PINX1: variants seen among roughly 807,000 people sequenced by gnomAD.
The protein encoded by PINX1 is PIN2/TERF1-interacting telomerase inhibitor 1.
A neutral mutation model predicts 25.4 loss-of-function variants in PINX1; 34 were observed. The observed-to-expected ratio is 1.34, with a 90% confidence interval of 1.02 to 1.78. PINX1 has a LOEUF of 1.78. PINX1 is among the 40% of genes most tolerant of loss of function. PINX1 has a pLI of 0.00. For missense variants in PINX1, 592 were observed against 404.9 expected (o/e 1.46, Z -3.97); for synonymous variants, 197 against 147.7 (o/e 1.33, Z -2.42).
intron 6 of PINX1, among the ~76,000 whole-genome samples, chr8:10,793,850 T>C (rs1462213563): frequency 1.3e-5 from 2 of 152,186 alleles, no homozygotes; most frequent in East Asian, 3.8e-4. Context: ...AGGAGCCTCT[T>C]AGTATATTCC....
intron 6 of PINX1, among the ~76,000 whole-genome samples, chr8:10,772,292 G>C (rs1319916186): frequency 6.6e-6 from 1 of 152,220 alleles, no homozygotes; most frequent in Non-Finnish European, 1.5e-5. Context: ...AAAACAACCT[G>C]GGCAAGCTGA....
intron 6 of PINX1, among the ~76,000 whole-genome samples, chr8:10,774,563 G>A (rs1190118003): frequency 6.6e-6 from 1 of 152,178 alleles, no homozygotes; most frequent in Non-Finnish European, 1.5e-5. Context: ...TTACAGGCGT[G>A]AGCCACCGTG....
Position 10,839,845 on chromosome 8 carries a change from G to C in PINX1, c.-89C>G, listed in dbSNP as rs887125141. The C allele has an allele frequency of 1.8e-5, 24 of 1,300,244 alleles. No individual in the cohort carries two copies. The highest frequency in any genetic ancestry group is 3.0e-5 in the African/African-American group (2 of 67,120). The allele number at this position is 1,300,244 out of a possible 1,614,324, so 80.5% of individuals were successfully genotyped here. ...AGACTCCAGGAGAATCAGGACGTGC[G>C]TAACTCCCTCGCCGGCGGACTGCAG... On this transcript the variant is annotated 5_prime_UTR_variant, in exon 1 of 7. Transcript: ENST00000314787.
chr8:10,769,217 C>T (rs980209561), intron 6 of PINX1, among the ~76,000 whole-genome samples: 2 of 152,148 alleles, frequency 1.3e-5, no homozygotes, highest in Admixed American at 6.5e-5. Flanking sequence ...AATTCCAATG[C>T]TTGCTGTTCA....
chr8:10,784,205 G>C (rs781155811), intron 6 of PINX1, among the ~76,000 whole-genome samples: 1 of 152,214 alleles, frequency 6.6e-6, no homozygotes, highest in Non-Finnish European at 1.5e-5. Flanking sequence ...GGGGATGAGA[G>C]TGAGGAGGCT....
intron 1 of PINX1, among the ~76,000 whole-genome samples, chr8:10,837,046 T>A (rs1798426250): frequency 6.6e-6 from 1 of 152,234 alleles, no homozygotes; most frequent in African/African-American, 2.4e-5. Flanking sequence ...GCCTGACTGC[T>A]ATCCTTTGAA....
rs1800989371 is a variant in PINX1 at position 10,765,195 on chromosome 8, C to G, written c.*206G>C. On this transcript the variant is annotated 3_prime_UTR_variant, in exon 7 of 7. Coordinates refer to ENST00000314787, the MANE Select transcript of PINX1 (RefSeq NM_017884.6). ...AAAAAAATTTATTTGTGTCTGAGAG[C>G]CACGATTGAGAACATTAAAAAGGTC... The G allele has an allele frequency of 1.9e-6, 1 of 536,014 alleles. No individual in the cohort carries two copies. The highest frequency in any genetic ancestry group is 3.3e-6 in the Non-Finnish European group (1 of 307,546). 33.2% of individuals were successfully genotyped at this position (536,014 alleles called of 1,614,324 possible).
chr8:10,824,911 C>A (rs1452031527), intron 5 of PINX1, among the ~76,000 whole-genome samples: 4 of 152,186 alleles, frequency 2.6e-5, no homozygotes, highest in East Asian at 1.9e-4. Context: ...TTCAAAAGGA[C>A]TGAGGGCCAA....
At chr8:10,824,958 G>A (rs1797991793) in intron 5 of PINX1, among the ~76,000 whole-genome samples, 1 of 152,196 alleles carries the variant, frequency 6.6e-6, no homozygotes. Flanking sequence ...CGCTGGGGTG[G>A]AGAAGAACCC....
chr8:10,814,646 A>C (rs1797639366), intron 6 of PINX1, among the ~76,000 whole-genome samples: 1 of 152,148 alleles, frequency 6.6e-6, no homozygotes, highest in African/African-American at 2.4e-5. Flanking sequence ...AGTACTTCCT[A>C]CTCTCAGAGA....
chr8:10,785,237 T>C (rs1002081096), intron 6 of PINX1, among the ~76,000 whole-genome samples: 124 of 152,202 alleles, frequency 8.1e-4, no homozygotes, highest in African/African-American at 2.8e-3. Flanking sequence ...CACTTACAGC[T>C]ATTAAGGAAA....
chr8:10,770,240 C>T (rs1392840184), intron 6 of PINX1, among the ~76,000 whole-genome samples: 1 of 152,200 alleles, frequency 6.6e-6, no homozygotes, highest in Non-Finnish European at 1.5e-5. Context: ...ACTCAGTTTC[C>T]TCATCAGCAA....
intron 5 of PINX1, among the ~76,000 whole-genome samples, chr8:10,821,138 G>C (rs1303001227): frequency 6.6e-6 from 1 of 152,230 alleles, no homozygotes; most frequent in Non-Finnish European, 1.5e-5. Context: ...GGCGAGGGAG[G>C]TTCTGGGTCA....
chr8:10,839,122 G>C (rs903033629), intron 1 of PINX1, among the ~76,000 whole-genome samples: 3 of 152,150 alleles, frequency 2.0e-5, no homozygotes, highest in South Asian at 2.1e-4. Context: ...AGAGACAGGG[G>C]TTTCACCGAC....
intron 4 of PINX1, among the ~76,000 whole-genome samples, chr8:10,826,979 A>G (rs1798071913): frequency 6.6e-6 from 1 of 152,230 alleles, no homozygotes; most frequent in Non-Finnish European, 1.5e-5. Context: ...CCGCCCATGT[A>G]CAAATGAATG....
intron 1 of PINX1, among the ~76,000 whole-genome samples, chr8:10,838,583 G>C (rs896779807): frequency 6.6e-6 from 1 of 152,176 alleles, no homozygotes; most frequent in African/African-American, 2.4e-5. Flanking sequence ...GGCCAAAGTC[G>C]CCAAGTGCAT....
chr8:10,778,284 T>G (rs1048464051), intron 6 of PINX1, among the ~76,000 whole-genome samples: 1 of 152,150 alleles, frequency 6.6e-6, no homozygotes, highest in Admixed American at 6.5e-5. Context: ...TTCCGATTTT[T>G]GATTTAGGGA....
At position 10,765,710 on chromosome 8, in the gene PINX1, A is replaced by C; in HGVS notation, c.678T>G (p.Ser226Arg). The change falls in exon 7 of 7, where the codon AGT becomes AGG. Residue 226 changes from serine to arginine, a missense_variant. Coordinates refer to ENST00000314787, the MANE Select transcript of PINX1 (RefSeq NM_017884.6). Reference protein sequence around the residue: ...NKEATGKDVESYLQPKAKRHT... With the variant: ...NKEATGKDVERYLQPKAKRHT... ...GCCTCTTGGCCTTAGGCTGGAGGTAACTTTCCACATCTTTACCTGTGGCCT... is the reference window on the plus strand; with the variant it reads ...GCCTCTTGGCCTTAGGCTGGAGGTACCTTTCCACATCTTTACCTGTGGCCT... 6.2e-7 allele frequency: 1 copy of C among 1,613,946 alleles called. No homozygotes were observed. Among genetic ancestry groups the C allele is most frequent in the African/African-American group, 1.3e-5 (1 of 75,018 alleles).
intron 6 of PINX1, among the ~76,000 whole-genome samples, chr8:10,818,932 T>A (rs2089308012): frequency 6.6e-6 from 1 of 152,084 alleles, no homozygotes; most frequent in African/African-American, 2.4e-5. Context: ...GTAGTCCAGG[T>A]CTCACGGTGA....
Sources: gnomAD v4.1 joint callset for allele counts (sites outside exome capture counted in the v4.1 genomes callset) on GRCh38, gnomAD v4.1.1 for gene constraint, MANE v1.5 for transcripts, NCBI Gene and HGNC (gene_info 2026-07-23, HGNC 2026-07-21) for gene names.